RGL2: variants seen among roughly 807,000 people sequenced by gnomAD.
The protein encoded by RGL2 is ral guanine nucleotide dissociation stimulator like 2.
A neutral mutation model predicts 84.6 loss-of-function variants in RGL2; 40 were observed. The observed-to-expected ratio is 0.47, with a 90% CI of 0.37 to 0.62. The LOEUF is 0.62. Among genes scored for constraint, RGL2 ranks in the 20% least tolerant of loss-of-function variants. The pLI is 0.00. For missense variants in RGL2, 865 were observed against 1,019.7 expected (o/e 0.85, Z 2.07); for synonymous variants, 369 against 417.3 (o/e 0.88, Z 1.41).
Position 33,294,670 on chromosome 6 carries a change from C to T in RGL2, c.1353+18G>A, listed in dbSNP as rs923040481. ...CACTTGTTACATCATTGCAATGACACACACACACACCACTGACCTCCAACT... is the reference window on the plus strand; with the variant it reads ...CACTTGTTACATCATTGCAATGACATACACACACACCACTGACCTCCAACT... On this transcript the variant is annotated intron_variant, in intron 11 of 17. Transcript: ENST00000497454. The surrounding 1 kb of genome is among the most constrained non-coding windows in gnomAD (Gnocchi z 5.0). The T allele has an allele frequency of 1.9e-6, 3 of 1,612,708 alleles. No individual in the cohort carries two copies. The African/African-American group carries it at 4.0e-5, about 22-fold the overall frequency.
In RGL2 at chr6:33,291,880, G is replaced by A. The variant is rs1767423104; in HGVS notation, c.*222C>T. On this transcript the variant is annotated 3_prime_UTR_variant, in exon 18 of 18. Coordinates refer to ENST00000497454, the MANE Select transcript of RGL2 (RefSeq NM_004761.5). ...TACCTGTGTGCTGCACTCATGGAAG[G>A]TGGGAAGCTATACACAGGTATCCAA... The A allele has an allele frequency of 5.0e-6, 3 of 604,992 alleles. No homozygotes were observed. The South Asian group carries it at 5.9e-5, about 12-fold the overall frequency. 37.5% of individuals were successfully genotyped at this position (604,992 alleles called of 1,614,324 possible).
rs762250999 is a variant in RGL2, at chr6:33,293,973, C to G, written c.1387-57G>C. On this transcript the variant is annotated intron_variant, in intron 12 of 17. Transcript: ENST00000497454. The surrounding 1 kb of genome is among the most constrained non-coding windows in gnomAD (Gnocchi z 7.0). ...AAACTCAGGGACCCCTGACTTTTCC[C>G]CCTCCCCTTCCTGGAACATGGATAG... 5.5e-5 allele frequency: 88 copies of G among 1,613,952 alleles called. 2 individuals carry two copies. In the South Asian group the frequency reaches 6.4e-4, roughly 12 times the overall value.
Position 33,295,026 on chromosome 6 carries a change from G to A in RGL2, c.1229C>T (p.Pro410Leu), listed in dbSNP as rs767623633. ...GGCCTTCTTGGAGTGTGGCTCCAGA[G>A]GAGACTGCAGCTTCACCTCCTGGTG... is the stretch of plus-strand genomic sequence containing the variant. ...LLVQEVKLQS[P>L]LEPHSKKAPR... Residue 410 changes from proline (P) to leucine (L), a missense_variant, in exon 10 of 18, where the codon CCT becomes CTT. By Grantham distance (98) the Pro-to-Leu change is moderately conservative. Around this residue, in one of 5 missense-constraint regions of RGL2, gnomAD observed 455 missense variants for 507.8 expected, o/e 0.90. Transcript: ENST00000497454. This position sits in a 1 kb window ranked among gnomAD's most constrained non-coding sequence, Gnocchi z 7.2. 19 of 1,582,960 alleles carry A rather than the reference G, an allele frequency of 1.2e-5. 1 individual carries two copies. In the South Asian group the frequency reaches 2.2e-4, roughly 18 times the overall value.
chr6:33,294,123 A>C lies in RGL2; in HGVS notation c.1354-57T>G. On this transcript the variant is annotated intron_variant, in intron 11 of 17. Transcript: ENST00000497454. This position sits in a 1 kb window ranked among gnomAD's most constrained non-coding sequence, Gnocchi z 5.0. ...CCAACCCTACCTTCCGGCCACAGAG[A>C]GAGAATATCCCCTCTCTTAAACACA... The C allele has an allele frequency of 1.3e-6, 2 of 1,576,496 alleles. No individual in the cohort carries two copies. The highest frequency in any genetic ancestry group is 2.3e-5 in the South Asian group (2 of 85,744).
In RGL2 at chr6:33,295,047, T is replaced by C; in HGVS notation, c.1210-2A>G. 6.3e-7 allele frequency: 1 copy of C among 1,580,020 alleles called. No homozygotes were observed. The highest frequency in any genetic ancestry group is 2.3e-5 in the East Asian group (1 of 43,398). On this transcript the variant is annotated splice_acceptor_variant, in intron 9 of 17. Coordinates refer to ENST00000497454, the MANE Select transcript of RGL2 (RefSeq NM_004761.5). LOFTEE classifies it high-confidence loss of function. This position sits in a 1 kb window ranked among gnomAD's most constrained non-coding sequence, Gnocchi z 7.2. ...CAGAGGAGACTGCAGCTTCACCTCC[T>C]GGTGGTGACAAAATAAAAGAGACAT...
At chr6:33,292,921 C>T in intron 16 of RGL2, 95 bp downstream of exon 16, 5 of 1,439,848 alleles carry the variant, frequency 3.5e-6, no homozygotes, top group Non-Finnish European at 4.8e-6. Context: ...ATTAAAACTA[C>T]ATTCAATTCC....
rs1174613147 is a variant in RGL2 at position 33,295,098 on chromosome 6, G to A, written c.1209+29C>T. 6.2e-7 allele frequency: 1 copy of A among 1,600,670 alleles called. No individual in the cohort carries two copies. The highest frequency in any genetic ancestry group is 8.5e-7 in the Non-Finnish European group (1 of 1,173,056). ...GGGGGAGCAGTAGGGAACAAGGAGAGGTGGGAATGCCACAAACCAGGCTCT... is the reference window on the plus strand; with the variant it reads ...GGGGGAGCAGTAGGGAACAAGGAGAAGTGGGAATGCCACAAACCAGGCTCT... On this transcript the variant is annotated intron_variant, in intron 9 of 17. Transcript: ENST00000497454. This position sits in a 1 kb window ranked among gnomAD's most constrained non-coding sequence, Gnocchi z 7.2.
Position 33,297,360 on chromosome 6 carries a change from G to A in RGL2, c.157-245C>T, listed in dbSNP as rs1451730343. ...TCGAAGGGGCTGCAGTGGAGGCGTG[G>A]ATGGAGTACAGGAATTCTGATCCTG... On this transcript the variant is annotated intron_variant, in intron 2 of 17. Coordinates refer to ENST00000497454, the MANE Select transcript of RGL2 (RefSeq NM_004761.5). This position sits in a 1 kb window ranked among gnomAD's most constrained non-coding sequence, Gnocchi z 4.0. 1.3e-5 allele frequency: 6 copies of A among 476,804 alleles called. No individual in the cohort carries two copies. The highest frequency in any genetic ancestry group is 2.2e-5 in the Non-Finnish European group (6 of 270,736). The allele number at this position is 476,804 out of a possible 1,614,324, so 29.5% of individuals were successfully genotyped here.
intron 16 of RGL2, 152 bp from the exon 17 acceptor site, chr6:33,292,696 A>G: frequency 1.4e-6 from 1 of 698,580 alleles, no homozygotes; most frequent in East Asian, 2.7e-5. Context: ...TATACCCCAT[A>G]AGCCAGCCCA....
Position 33,293,477 on chromosome 6 carries a change from C to G in RGL2, c.1652G>C (p.Arg551Pro). 6.2e-7 allele frequency: 1 copy of G among 1,614,090 alleles called. No individual in the cohort carries two copies. The highest frequency in any genetic ancestry group is 1.3e-5 in the African/African-American group (1 of 75,030). The stretch of plus-strand genomic sequence containing the variant: ...CGCCTCATCTCCCCCAGTACTGGGC[C>G]GGTCACAGGACACAAGCGGGGTAGG... Reference protein sequence around the residue: ...GVPTPLVSCDRPSTGGDEAPT... With the variant: ...GVPTPLVSCDPPSTGGDEAPT... The change falls in exon 15 of 18, where the codon CGG (arginine) becomes CCG (proline). Residue 551 changes from arginine to proline, a missense_variant. Arg to Pro is a moderately radical substitution (Grantham distance 103). Transcript: ENST00000497454. The surrounding 1 kb of genome is among the most constrained non-coding windows in gnomAD (Gnocchi z 7.0).
chr6:33,292,988 C>T, intron 16 of RGL2, 28 bp downstream of exon 16: 1 of 1,613,878 alleles, frequency 6.2e-7, no homozygotes. Flanking sequence ...CCATCCTTCA[C>T]CCCAACTCCA....
Position 33,292,216 on chromosome 6 carries a change from T to C in RGL2, c.2220A>G (p.Thr740=), listed in dbSNP as rs776482005. ...LRQRRRSSTA[T]PGVTSGPSAS... The stretch of plus-strand genomic sequence containing the variant: ...CAGACGGGCCACTGGTGACGCCAGG[T>C]GTAGCAGTAGAGGACCTTCGCCGCT... Residue 740 remains threonine, a synonymous_variant, in exon 18 of 18, where the codon ACA becomes ACG. Transcript: ENST00000497454. 1.9e-6 allele frequency: 3 copies of C among 1,614,192 alleles called. No individual in the cohort carries two copies. Among genetic ancestry groups the C allele is most frequent in the South Asian group, 1.1e-5 (1 of 91,090 alleles).
At chr6:33,292,955 A>G in intron 16 of RGL2, 61 bp downstream of exon 16, 2 of 1,598,236 alleles carry the variant, frequency 1.3e-6, no homozygotes, top group Non-Finnish European at 8.6e-7. Context: ...AACCTCAGAC[A>G]ACATTTATAG....
rs1182319115 is a variant in RGL2, at chr6:33,296,003, T to C, written c.768+25A>G. The C allele has an allele frequency of 6.2e-7, 1 of 1,612,770 alleles. No individual in the cohort carries two copies. Among genetic ancestry groups the C allele is most frequent in the Non-Finnish European group, 8.5e-7 (1 of 1,179,526 alleles). ...GAGGTTAGTAAGGGGTCAGGGGGCA[T>C]AGGGGCCAGAGGTCAGGGTCTCACC... On this transcript the variant is annotated intron_variant, in intron 6 of 17. Coordinates refer to ENST00000497454, the MANE Select transcript of RGL2 (RefSeq NM_004761.5). The surrounding 1 kb of genome is among the most constrained non-coding windows in gnomAD (Gnocchi z 5.0).
In RGL2 at chr6:33,292,116, G is replaced by A. The variant is rs771519259; in HGVS notation, c.2320C>T (p.Arg774Trp). 8.7e-6 allele frequency: 14 copies of A among 1,614,020 alleles called. No individual in the cohort carries two copies. The highest frequency in any genetic ancestry group is 2.2e-5 in the East Asian group (1 of 44,896). The change falls in exon 18 of 18, where the codon CGG becomes TGG. Residue 774 changes from arginine (R) to tryptophan (W), a missense_variant. Around this residue, in one of 5 missense-constraint regions of RGL2, gnomAD observed 302 missense variants for 327.9 expected, o/e 0.92. Transcript: ENST00000497454. ...GGGCTTCCTCCTCAGAACAGTGCCC[G>A]TGCAATCTTCCTCCCTGTGGCCTTG... ...RIKATGRKIA[R>W]ALF
In RGL2 at chr6:33,292,357, C is replaced by T. The variant is rs765496633; in HGVS notation, c.2123-44G>A. On this transcript the variant is annotated intron_variant, in intron 17 of 17. Coordinates refer to ENST00000497454, the MANE Select transcript of RGL2 (RefSeq NM_004761.5). ...GATGTAAAGCACACACACAGTTGTTCCCCCCACAGCCGCCCAGATGTGGAA... is the reference window on the plus strand; with the variant it reads ...GATGTAAAGCACACACACAGTTGTTTCCCCCACAGCCGCCCAGATGTGGAA... 4.4e-6 allele frequency: 7 copies of T among 1,607,172 alleles called. No homozygotes were observed. The East Asian group carries it at 1.6e-4, about 36-fold the overall frequency.
Position 33,293,210 on chromosome 6 carries a change from C to T in RGL2, c.1813G>A (p.Ala605Thr), listed in dbSNP as rs751210636. Residue 605 changes from alanine (A) to threonine (T), a missense_variant, in exon 16 of 18, where the codon GCC becomes ACC. Physicochemically the swap from Ala to Thr is moderately conservative, Grantham distance 58. Around this residue, in one of 5 missense-constraint regions of RGL2, gnomAD observed 302 missense variants for 327.9 expected, o/e 0.92. Transcript: ENST00000497454. The surrounding 1 kb of genome is among the most constrained non-coding windows in gnomAD (Gnocchi z 7.0). ...PADPSHLSPP[A>T]SSPRPSRGHR... is the part of the protein sequence containing the mutation. ...CCTCGAGAAGGCCTAGGGGAGGAGGCTGGTGGGGAGAGGTGGCTGGGGTCA... is the reference window on the plus strand; with the variant it reads ...CCTCGAGAAGGCCTAGGGGAGGAGGTTGGTGGGGAGAGGTGGCTGGGGTCA... The T allele has an allele frequency of 6.4e-6, 10 of 1,571,036 alleles. No homozygotes were observed. In the Admixed American group the frequency reaches 1.9e-4, roughly 29 times the overall value.
Position 33,297,295 on chromosome 6 carries a change from C to T in RGL2, c.157-180G>A. Reference sequence around the variant, plus strand: ...ACCCCAGGTCTCCCCCACTGGGGCCCAGACAGCCCCACCCCAGCCGCCTCA... The same window carrying T: ...ACCCCAGGTCTCCCCCACTGGGGCCTAGACAGCCCCACCCCAGCCGCCTCA... On this transcript the variant is annotated intron_variant, in intron 2 of 17. Transcript: ENST00000497454. This position sits in a 1 kb window ranked among gnomAD's most constrained non-coding sequence, Gnocchi z 4.0. 1 of 532,714 alleles carries T rather than the reference C, an allele frequency of 1.9e-6. No individual in the cohort carries two copies. Among genetic ancestry groups the T allele is most frequent in the South Asian group, 3.1e-5 (1 of 32,082 alleles). 33.0% of individuals were successfully genotyped at this position (532,714 alleles called of 1,614,324 possible). A position where few individuals can be genotyped will look rare whatever the true frequency, so the allele number is the denominator to read the frequency against.
At position 33,297,143 on chromosome 6, in the gene RGL2, A is replaced by T; in HGVS notation, c.157-28T>A. 1 of 1,497,232 alleles carries T rather than the reference A, an allele frequency of 6.7e-7. No individual in the cohort carries two copies. The highest frequency in any genetic ancestry group is 2.3e-5 in the East Asian group (1 of 44,320). 92.7% of individuals were successfully genotyped at this position (1,497,232 alleles called of 1,614,324 possible). ...GGAGGAGCAAGGAAGGGGAAGTCAG[A>T]CAGTTCCACACCACCCCCCATTGCC... On this transcript the variant is annotated intron_variant, in intron 2 of 17. Coordinates refer to ENST00000497454, the MANE Select transcript of RGL2 (RefSeq NM_004761.5). This position sits in a 1 kb window ranked among gnomAD's most constrained non-coding sequence, Gnocchi z 4.0.
Sources: allele counts gnomAD v4.1 joint callset, GRCh38; gene constraint gnomAD v4.1.1; regional missense constraint gnomAD v4.1.1; non-coding constraint Gnocchi (gnomAD v3.1); transcripts MANE v1.5; gene names NCBI Gene and HGNC (gene_info 2026-07-23, HGNC 2026-07-21).